The following GPR89A variants were observed in gnomAD, a reference collection of about 807,000 sequenced individuals.
The protein encoded by GPR89A is golgi pH regulator A.
Under a neutral mutation model 52.0 loss-of-function variants are expected in GPR89A, and 16 were observed. The observed-to-expected ratio is 0.31, with a 90% CI of 0.21 to 0.47. GPR89A has a LOEUF of 0.47. Among genes scored for constraint, GPR89A ranks in the 20% least tolerant of loss-of-function variants. The pLI, the probability that GPR89A is intolerant of heterozygous loss-of-function variation, is 1.00. For synonymous variants in GPR89A, 55 were observed against 150.9 expected (o/e 0.36, Z 4.66); for missense variants, 135 against 449.4 (o/e 0.30, Z 6.33).
intron 10 of GPR89A, among the ~76,000 whole-genome samples, chr1:145,663,054 C>T (rs1197300577): frequency 6.6e-6 from 1 of 152,226 alleles, no homozygotes; most frequent in Non-Finnish European, 1.5e-5. Context: ...TGTTACCTTT[C>T]TGGCTCCTGA....
intron 12 of GPR89A, among the ~76,000 whole-genome samples, chr1:145,667,144 C>A (rs1652623539): frequency 6.6e-6 from 1 of 152,120 alleles, no homozygotes; most frequent in African/African-American, 2.4e-5. Context: ...AGTTGTAGAT[C>A]CTTGAGGAAT....
intron 1 of GPR89A, among the ~76,000 whole-genome samples, chr1:145,610,868 A>G (rs1471002234): frequency 2.6e-5 from 4 of 152,106 alleles, no homozygotes; most frequent in Non-Finnish European, 5.9e-5. Flanking sequence ...AACAGTAGCT[A>G]ATTTTCAACC....
chr1:145,637,740 A>G (rs1553691086), intron 7 of GPR89A, among the ~76,000 whole-genome samples: 1 of 152,244 alleles, frequency 6.6e-6, no homozygotes, highest in Non-Finnish European at 1.5e-5. Flanking sequence ...AAGTGAAAAG[A>G]GAGAATCCCA....
intron 5 of GPR89A, among the ~76,000 whole-genome samples, chr1:145,626,943 A>T: frequency 2.7e-4 from 2 of 7,340 alleles, no homozygotes; most frequent in Admixed American, 2.6e-3. Context: ...ACAGAGCGAG[A>T]CTCTACAAAA....
In GPR89A at chr1:145,663,325, G is replaced by T. The variant is rs781980508; in HGVS notation, c.910-4G>T. 6 of 1,609,480 alleles carry T rather than the reference G, an allele frequency of 3.7e-6. No individual in the cohort carries two copies. The East Asian group carries it at 1.3e-4, about 36-fold the overall frequency. On this transcript the variant is annotated splice_region_variant and splice_polypyrimidine_tract_variant and intron_variant, in intron 10 of 13. Transcript: ENST00000313835. The stretch of plus-strand genomic sequence containing the variant: ...CTCCAAGGTAAAAATCTGCATCTTT[G>T]CAGGCTACCATCAATATTGTTTTTG...
At chr1:145,657,149 T>A (rs1651861693) in intron 10 of GPR89A, among the ~76,000 whole-genome samples, 1 of 150,202 alleles carries the variant, frequency 6.7e-6, no homozygotes, top group African/African-American at 2.5e-5. Flanking sequence ...TTCCCAGTAC[T>A]TTGGGAGGCT....
At chr1:145,661,669 C>T (rs1652211975) in intron 10 of GPR89A, among the ~76,000 whole-genome samples, 1 of 149,280 alleles carries the variant, frequency 6.7e-6, no homozygotes, top group African/African-American at 2.5e-5. Context: ...TTGATTTCTG[C>T]TCTGGTCTTT....
intron 2 of GPR89A, among the ~76,000 whole-genome samples, chr1:145,616,899 TC>T (rs1482460880): frequency 6.6e-6 from 1 of 152,094 alleles, no homozygotes; most frequent in African/African-American, 2.4e-5. Context: ...AGGGAGTGGG[TC>T]ACAGAGATCA....
At chr1:145,610,720 A>G (rs1383318238) in intron 1 of GPR89A, among the ~76,000 whole-genome samples, 6 of 152,180 alleles carry the variant, frequency 3.9e-5, no homozygotes, top group Non-Finnish European at 5.9e-5. Context: ...TTGCCATTCT[A>G]TCCCTTGGAC....
At chr1:145,662,124 G>A (rs1323218703) in intron 10 of GPR89A, among the ~76,000 whole-genome samples, 1 of 152,106 alleles carries the variant, frequency 6.6e-6, no homozygotes, top group Non-Finnish European at 1.5e-5. Context: ...TTCCATAAAT[G>A]TCAATTACGT....
At chr1:145,668,290 C>T (rs1553696821) in intron 12 of GPR89A, among the ~76,000 whole-genome samples, 1 of 152,096 alleles carries the variant, frequency 6.6e-6, no homozygotes, top group Non-Finnish European at 1.5e-5. Context: ...CCTTCACATC[C>T]CTTGTAAATT....
At chr1:145,658,533 G>C (rs587757101) in intron 10 of GPR89A, among the ~76,000 whole-genome samples, 9 of 149,558 alleles carry the variant, frequency 6.0e-5, no homozygotes, top group African/African-American at 1.7e-4. Flanking sequence ...AGGCTGAGGC[G>C]GGGGAGGATC....
intron 5 of GPR89A, among the ~76,000 whole-genome samples, chr1:145,629,526 A>G (rs1649754322): frequency 6.6e-6 from 1 of 152,202 alleles, no homozygotes; most frequent in Non-Finnish European, 1.5e-5. Context: ...CAATAGTGTG[A>G]GAGCTCTCTT....
intron 3 of GPR89A, 66 bp from the exon 4 acceptor site, chr1:145,622,988 G>T (rs1345918326): frequency 1.9e-5 from 30 of 1,597,448 alleles, no homozygotes; most frequent in Non-Finnish European, 2.4e-5. Context: ...CCCTTTGGAA[G>T]ACTAAAGAGA....
At chr1:145,661,036 G>A (rs1403768649) in intron 10 of GPR89A, among the ~76,000 whole-genome samples, 28 of 150,404 alleles carry the variant, frequency 1.9e-4, no homozygotes, top group African/African-American at 6.3e-4. Context: ...ATTGACAATA[G>A]CAAAGACTTG....
At chr1:145,652,898 C>T (rs1651550644) in intron 10 of GPR89A, among the ~76,000 whole-genome samples, 1 of 146,662 alleles carries the variant, frequency 6.8e-6, no homozygotes, top group Non-Finnish European at 1.5e-5. Flanking sequence ...TAGTAGTGGT[C>T]TATTTTATTA....
intron 10 of GPR89A, among the ~76,000 whole-genome samples, chr1:145,649,635 C>T (rs587594847): frequency 1.3e-5 from 2 of 152,150 alleles, no homozygotes; most frequent in East Asian, 3.9e-4. Context: ...TGTGTATAGA[C>T]GTGTGCTGTC....
At chr1:145,638,968 A>G (rs1416589814) in intron 7 of GPR89A, among the ~76,000 whole-genome samples, 1 of 149,322 alleles carries the variant, frequency 6.7e-6, no homozygotes, top group Non-Finnish European at 1.5e-5. Flanking sequence ...TGAAAATCCA[A>G]TTTTTTTAAA....
chr1:145,652,355 C>T (rs1391808117), intron 10 of GPR89A, among the ~76,000 whole-genome samples: 1 of 152,024 alleles, frequency 6.6e-6, no homozygotes, highest in African/African-American at 2.4e-5. Flanking sequence ...CTGACTTGAT[C>T]GTGGTAGATG....
Sources: gnomAD v4.1 joint callset for allele counts (sites outside exome capture counted in the v4.1 genomes callset) on GRCh38, gnomAD v4.1.1 for gene constraint, MANE v1.5 for transcripts, NCBI Gene and HGNC (gene_info 2026-07-23, HGNC 2026-07-21) for gene names.